The following PDE1C variants were observed in gnomAD, a reference collection of about 807,000 sequenced individuals.
PDE1C encodes the protein dual specificity calcium/calmodulin-dependent 3',5'-cyclic nucleotide phosphodiesterase 1C.
PDE1C carries 62 observed loss-of-function variants against 93.1 expected under a neutral mutation model. The ratio of observed to expected loss-of-function variants is 0.67; its 90% confidence interval spans 0.54 to 0.82. The LOEUF is 0.82. Ranked by LOEUF, PDE1C falls within the 40% of genes least tolerant of loss-of-function variation. The pLI is 0.00. For missense variants in PDE1C, 742 were observed against 884.6 expected (o/e 0.84, Z 2.04); for synonymous variants, 325 against 310.1 (o/e 1.05, Z -0.50).
chr7:32,401,703 G>A (rs1784945860), intron 1 of PDE1C, among the ~76,000 whole-genome samples: 1 of 152,162 alleles, frequency 6.6e-6, no homozygotes, highest in African/African-American at 2.4e-5. Flanking sequence ...TCAAGCCTTA[G>A]CTAATTTTCA....
chr7:31,705,874 T>C, the PDE1C span, among the ~76,000 whole-genome samples: 2 of 152,056 alleles, frequency 1.3e-5, no homozygotes, highest in South Asian at 2.1e-4. Context: ...AAAATGACCT[T>C]ACTTTACACT....
intron 2 of PDE1C, among the ~76,000 whole-genome samples, chr7:31,920,015 C>T (rs1454117582): frequency 1.3e-5 from 2 of 152,186 alleles, no homozygotes; most frequent in Admixed American, 6.5e-5. Flanking sequence ...CTCATCCTCT[C>T]CACTATTCCT....
chr7:32,118,717 C>T (rs139587380), intron 3 of PDE1C, among the ~76,000 whole-genome samples: 747 of 152,220 alleles, frequency 4.9e-3, no homozygotes, highest in African/African-American at 0.017. Context: ...CAGCCTACTC[C>T]CAAGAGAACA....
the PDE1C span, among the ~76,000 whole-genome samples, chr7:31,698,158 T>TA: frequency 6.6e-6 from 1 of 152,174 alleles, no homozygotes; most frequent in Non-Finnish European, 1.5e-5. Flanking sequence ...GAAGATAAAA[T>TA]TTGGCTGTTG....
chr7:31,701,120 T>A, the PDE1C span, among the ~76,000 whole-genome samples: 5 of 152,192 alleles, frequency 3.3e-5, no homozygotes. Flanking sequence ...TAGATAGTGA[T>A]CCCTCTGATG....
chr7:32,300,799 TATATA>T (rs1335206219), upstream of PDE1C, among the ~76,000 whole-genome samples: 1 of 152,168 alleles, frequency 6.6e-6, no homozygotes, highest in Admixed American at 6.5e-5. Flanking sequence ...TAACATTTTA[TATATA>T]ATATATTACA....
intron 1 of PDE1C, among the ~76,000 whole-genome samples, chr7:32,330,133 C>T (rs887750344): frequency 2.6e-5 from 4 of 152,222 alleles, no homozygotes; most frequent in Non-Finnish European, 4.4e-5. Flanking sequence ...ACATATGGCA[C>T]CCCCAGTCTG....
At chr7:31,886,870 G>GAAATA (rs1583793506) in intron 2 of PDE1C, among the ~76,000 whole-genome samples, 1 of 119,154 alleles carries the variant, frequency 8.4e-6, no homozygotes, top group Non-Finnish European at 1.6e-5. Flanking sequence ...AGATCTATTC[G>GAAATA]GATCTATTCA....
chr7:31,622,521 G>A, the PDE1C span, among the ~76,000 whole-genome samples: 64 of 151,054 alleles, frequency 4.2e-4, no homozygotes, highest in Non-Finnish European at 5.9e-4. Context: ...GGTACATAAC[G>A]AAATGAAGGC....
At chr7:32,080,148 G>A (rs192836902) in intron 3 of PDE1C, among the ~76,000 whole-genome samples, 120 of 152,268 alleles carry the variant, frequency 7.9e-4, no homozygotes, top group Non-Finnish European at 1.0e-3. Flanking sequence ...TGTGGCAAGG[G>A]GAGAGTGGCC....
At chr7:31,676,823 G>C in the PDE1C span, among the ~76,000 whole-genome samples, 1 of 151,946 alleles carries the variant, frequency 6.6e-6, no homozygotes, top group Non-Finnish European at 1.5e-5. Context: ...GAAAAAAAAA[G>C]TCATGGTGGG....
At chr7:31,803,466 C>T (rs1396653987) in intron 16 of PDE1C, among the ~76,000 whole-genome samples, 2 of 151,594 alleles carry the variant, frequency 1.3e-5, no homozygotes, top group Non-Finnish European at 2.9e-5. Context: ...AGGTTTGTTA[C>T]ATATGTATAC....
chr7:32,113,164 G>C (rs1315678895), intron 3 of PDE1C, among the ~76,000 whole-genome samples: 1 of 144,612 alleles, frequency 6.9e-6, no homozygotes, highest in African/African-American at 2.6e-5. Flanking sequence ...ATCATGACAT[G>C]AAGTTTCAAA....
chr7:31,883,340 T>G (rs552018226), intron 2 of PDE1C, among the ~76,000 whole-genome samples: 74 of 152,348 alleles, frequency 4.9e-4, no homozygotes, highest in Non-Finnish European at 9.1e-4. Context: ...AAATGGATTG[T>G]TGATTCATGA....
At chr7:31,625,335 C>G in the PDE1C span, among the ~76,000 whole-genome samples, 1 of 151,766 alleles carries the variant, frequency 6.6e-6, no homozygotes, top group Non-Finnish European at 1.5e-5. Flanking sequence ...ATGTTTATTG[C>G]GGCACTATTC....
rs1800966654 is a variant in PDE1C at position 32,147,485 on chromosome 7, T to C, written c.308+22300A>G. Among the ~76,000 whole-genome samples, 4 of 152,204 alleles carry C rather than the reference T, an allele frequency of 2.6e-5. No homozygotes were observed. The South Asian group carries it at 8.3e-4, about 32-fold the overall frequency. ...CACATTAATTATGCCTTTTTTGAACTATTTAAATATGCATGCCCAGGCCTT... is the reference window on the plus strand; with the variant it reads ...CACATTAATTATGCCTTTTTTGAACCATTTAAATATGCATGCCCAGGCCTT... On this transcript the variant is annotated intron_variant, in intron 3 of 18. Transcript: ENST00000396193.
chr7:32,068,910 C>G (rs369896982), intron 1 of PDE1C, among the ~76,000 whole-genome samples: 11 of 152,120 alleles, frequency 7.2e-5, no homozygotes, highest in African/African-American at 2.7e-4. Flanking sequence ...ACAATACAAT[C>G]GGACGTAATG....
chr7:32,306,051 G>C (rs1185691581), intron 1 of PDE1C, among the ~76,000 whole-genome samples: 1 of 152,130 alleles, frequency 6.6e-6, no homozygotes, highest in Non-Finnish European at 1.5e-5. Flanking sequence ...AGTCTCACGA[G>C]ATCTGATGGT....
At chr7:32,041,198 A>G (rs1284210812) in intron 2 of PDE1C, among the ~76,000 whole-genome samples, 1 of 152,194 alleles carries the variant, frequency 6.6e-6, no homozygotes, top group East Asian at 1.9e-4. Flanking sequence ...TCCATTTACC[A>G]AAAGAAACAG....
Sources: gnomAD v4.1 joint callset for allele counts (sites outside exome capture counted in the v4.1 genomes callset) on GRCh38, gnomAD v4.1.1 for gene constraint, MANE v1.5 for transcripts, NCBI Gene and HGNC (gene_info 2026-07-23, HGNC 2026-07-21) for gene names.